The following DAPP1 variants were observed in gnomAD, a reference collection of about 807,000 sequenced individuals.
DAPP1 encodes dual adapter for phosphotyrosine and 3-phosphotyrosine and 3-phosphoinositide.
DAPP1 carries 20 observed loss-of-function variants against 41.5 expected under a neutral mutation model. That is an observed-to-expected ratio of 0.48 (90% CI 0.34 to 0.70). The LOEUF is 0.70. Ranked by LOEUF, DAPP1 falls within the 30% of genes least tolerant of loss-of-function variation. The probability of loss-of-function intolerance (pLI) is 0.01; values close to 1 mark genes in which losing one functional copy is unlikely to be tolerated. For missense variants in DAPP1, 233 were observed against 333.4 expected (o/e 0.70, Z 2.35); for synonymous variants, 113 against 116.2 (o/e 0.97, Z 0.18).
intron 3 of DAPP1, among the ~76,000 whole-genome samples, chr4:99,848,260 C>A (rs922078829): frequency 6.8e-6 from 1 of 147,464 alleles, no homozygotes; most frequent in African/African-American, 2.5e-5. Flanking sequence ...TGGGGTCTCA[C>A]TCTGTTGCCC....
intron 3 of DAPP1, among the ~76,000 whole-genome samples, chr4:99,852,782 C>G (rs1578184413): frequency 6.6e-6 from 1 of 152,146 alleles, no homozygotes; most frequent in East Asian, 1.9e-4. Flanking sequence ...TTTGTTTAGT[C>G]TTGTTCTCAT....
intron 3 of DAPP1, among the ~76,000 whole-genome samples, chr4:99,848,161 GT>G (rs1024890727): frequency 2.0e-4 from 31 of 151,238 alleles, no homozygotes; most frequent in African/African-American, 6.6e-4. Context: ...GGCTAGCTGG[GT>G]TTTTTTGGTC....
intron 3 of DAPP1, among the ~76,000 whole-genome samples, chr4:99,844,864 G>A (rs187793083): frequency 6.6e-6 from 1 of 152,266 alleles, no homozygotes; most frequent in East Asian, 1.9e-4. Flanking sequence ...CACCACCCAG[G>A]TGATATTTTT....
At chr4:99,818,695 A>G (rs1017620624) in intron 1 of DAPP1, among the ~76,000 whole-genome samples, 1 of 152,220 alleles carries the variant, frequency 6.6e-6, no homozygotes, top group Admixed American at 6.5e-5. Context: ...CTGCAAAAAA[A>G]AAAGGGTACA....
At chr4:99,830,530 CAT>C (rs2110139068) in intron 1 of DAPP1, among the ~76,000 whole-genome samples, 1 of 152,188 alleles carries the variant, frequency 6.6e-6, no homozygotes, top group African/African-American at 2.4e-5. Flanking sequence ...TTCAGTGCCA[CAT>C]ATAGAGCCTC....
chr4:99,870,422 A>G (rs548979881), downstream of DAPP1, among the ~76,000 whole-genome samples: 5 of 152,250 alleles, frequency 3.3e-5, no homozygotes, highest in South Asian at 1.0e-3. Context: ...ACACAAAGCT[A>G]TCTGATGGAG....
chr4:99,834,077 C>T (rs948005593), intron 1 of DAPP1, among the ~76,000 whole-genome samples: 2 of 152,176 alleles, frequency 1.3e-5, no homozygotes, highest in African/African-American at 2.4e-5. Flanking sequence ...AAGCAACCCC[C>T]GGGGCCACAA....
At chr4:99,847,799 A>AATTTGTTT (rs112765009) in intron 3 of DAPP1, among the ~76,000 whole-genome samples, 3 of 150,718 alleles carry the variant, frequency 2.0e-5, no homozygotes, top group African/African-American at 4.9e-5. Flanking sequence ...ACAGTAGATA[A>AATTTGTTT]GTTTGTTTGT....
intron 7 of DAPP1, 146 bp downstream of exon 7, chr4:99,864,001 G>C (rs1724333457): frequency 1.5e-5 from 9 of 583,038 alleles, no homozygotes; most frequent in Middle Eastern, 4.7e-4. Flanking sequence ...TTTCAGCTGA[G>C]TGTGACATAA....
chr4:99,836,790 A>G (rs1578357336), intron 2 of DAPP1, among the ~76,000 whole-genome samples: 3 of 152,356 alleles, frequency 2.0e-5, no homozygotes, highest in East Asian at 3.9e-4. Context: ...ACTTAAAGCA[A>G]CGCAACTGGA....
At chr4:99,841,418 C>A (rs1441222581) in intron 3 of DAPP1, among the ~76,000 whole-genome samples, 1 of 152,188 alleles carries the variant, frequency 6.6e-6, no homozygotes, top group East Asian at 1.9e-4. Context: ...ACTGACCACA[C>A]CAAGCCCAAG....
intron 3 of DAPP1, chr4:99,844,318 GT>G (rs766300002): frequency 3.3e-5 from 5 of 152,190 alleles, no homozygotes; most frequent in Non-Finnish European, 5.9e-5. Context: ...GGGCAGGCCG[GT>G]TGGAGTTTTT....
intron 6 of DAPP1, among the ~76,000 whole-genome samples, 166 bp from the exon 7 acceptor site, chr4:99,863,592 CATTCCAAAACCA>C (rs1330727789): frequency 1.3e-5 from 2 of 152,088 alleles, no homozygotes; most frequent in African/African-American, 2.4e-5. Flanking sequence ...ATGAAAGGCT[CATTCCAAAACCA>C]AGGACTTCCC....
intron 3 of DAPP1, among the ~76,000 whole-genome samples, chr4:99,847,491 AC>A (rs1391414455): frequency 6.6e-6 from 1 of 152,174 alleles, no homozygotes; most frequent in Non-Finnish European, 1.5e-5. Flanking sequence ...TCAAAAACAT[AC>A]CTCCGCTAAG....
rs1315753937 is a variant in DAPP1, at chr4:99,863,039, C to T, written c.567C>T (p.His189=). ...KTWKTRWFTL[H]RNELKYFKDQ... ...GGAAAACAAGATGGTTTACTCTGCACAGGAATGAACTGAAATACTTCAAAG... is the reference window on the plus strand; with the variant it reads ...GGAAAACAAGATGGTTTACTCTGCATAGGAATGAACTGAAATACTTCAAAG... Residue 189 remains histidine, a synonymous_variant, in exon 6 of 9, where the codon CAC becomes CAT. Transcript: ENST00000512369. 1 of 1,590,994 alleles carries T rather than the reference C, an allele frequency of 6.3e-7. No homozygotes were observed. Among genetic ancestry groups the T allele is most frequent in the Non-Finnish European group, 8.5e-7 (1 of 1,172,448 alleles).
intron 2 of DAPP1, among the ~76,000 whole-genome samples, chr4:99,839,430 ATTGT>A (rs1723422475): frequency 6.7e-6 from 1 of 148,772 alleles, no homozygotes; most frequent in Non-Finnish European, 1.5e-5. Flanking sequence ...ATATATATAT[ATTGT>A]TTAATACTCT....
chr4:99,848,360 T>C (rs1723741651), intron 3 of DAPP1, among the ~76,000 whole-genome samples: 1 of 151,748 alleles, frequency 6.6e-6, no homozygotes, highest in African/African-American at 2.4e-5. Context: ...CCCAAGTAGC[T>C]GGGACTACAG....
At chr4:99,853,586 C>A (rs1175344616) in intron 4 of DAPP1, among the ~76,000 whole-genome samples, 1 of 152,114 alleles carries the variant, frequency 6.6e-6, no homozygotes, top group Non-Finnish European at 1.5e-5. Flanking sequence ...TTTTGGGAGG[C>A]CAAGGTAAGA....
rs1724590130 is a variant in DAPP1, at chr4:99,869,963, A to AAACAGAAGT, written c.*1779_*1780insACAGAAGTA. ...AAACAAACAAAACAAAACAAAAAAA[A>AAACAGAAGT]ACAGAAGTTACAAATGAATACTCAC... On this transcript the variant is annotated 3_prime_UTR_variant, in exon 9 of 9. Transcript: ENST00000512369. 1 of 151,214 alleles carries AAACAGAAGT rather than the reference A, an allele frequency of 6.6e-6. No individual in the cohort carries two copies. The highest frequency in any genetic ancestry group is 2.4e-5 in the African/African-American group (1 of 41,226). The allele number at this position is 151,214 out of a possible 1,614,324, so 9.4% of individuals were successfully genotyped here.
Sources: allele counts gnomAD v4.1 joint callset (sites outside exome capture counted in the v4.1 genomes callset), GRCh38; gene constraint gnomAD v4.1.1; transcripts MANE v1.5; gene names NCBI Gene and HGNC (gene_info 2026-07-23, HGNC 2026-07-21).